SCARA5: variants seen among roughly 807,000 people sequenced by gnomAD.
SCARA5 encodes scavenger receptor class A, member 5 (putative).
Under a neutral mutation model 46.3 loss-of-function variants are expected in SCARA5, and 45 were observed. The observed-to-expected ratio is 0.97, with a 90% CI of 0.76 to 1.24. The LOEUF is 1.24. Among genes scored for constraint, SCARA5 ranks in the 50% most tolerant of loss-of-function variants. SCARA5 has a pLI of 0.00. For synonymous variants in SCARA5, 333 were observed against 306.5 expected (o/e 1.09, Z -0.90); for missense variants, 680 against 689.0 (o/e 0.99, Z 0.15).
rs568993006 is a variant in SCARA5 at position 27,936,711 on chromosome 8, C to T, written c.242-14466G>A. On this transcript the variant is annotated intron_variant, in intron 3 of 8. Transcript: ENST00000354914. Reference sequence around the variant, plus strand: ...TCTCTGGCACACTGGTGAGCACTAACTGAATCCGCGGAAGCATGGAACACA... The same window carrying T: ...TCTCTGGCACACTGGTGAGCACTAATTGAATCCGCGGAAGCATGGAACACA... Among the ~76,000 whole-genome samples the T allele has an allele frequency of 4.6e-5, 7 of 151,064 alleles. No individual in the cohort carries two copies. The South Asian group carries it at 1.3e-3, about 28-fold the overall frequency.
At chr8:27,941,510 C>A (rs574725487) in intron 3 of SCARA5, among the ~76,000 whole-genome samples, 9 of 152,138 alleles carry the variant, frequency 5.9e-5, no homozygotes, top group Admixed American at 5.2e-4. Flanking sequence ...CAGCACTGTG[C>A]TTTGTGTTAT....
intron 6 of SCARA5, among the ~76,000 whole-genome samples, chr8:27,906,289 G>A (rs968290423): frequency 7.2e-5 from 11 of 152,204 alleles, no homozygotes; most frequent in African/African-American, 2.2e-4. Flanking sequence ...GTGATGCTAC[G>A]AGGCTTAGAC....
At chr8:27,890,478 A>T (rs893414086) in intron 7 of SCARA5, among the ~76,000 whole-genome samples, 6 of 152,252 alleles carry the variant, frequency 3.9e-5, no homozygotes, top group Non-Finnish European at 8.8e-5. Context: ...TTAACACTTA[A>T]CATGACACGT....
chr8:27,963,180 C>T (rs987609039), intron 3 of SCARA5, among the ~76,000 whole-genome samples: 2 of 152,164 alleles, frequency 1.3e-5, no homozygotes, highest in African/African-American at 4.8e-5. Context: ...ACCCAGTCAC[C>T]ACAGTGACTG....
At chr8:27,917,882 A>G (rs1470552577) in intron 4 of SCARA5, among the ~76,000 whole-genome samples, 1 of 152,262 alleles carries the variant, frequency 6.6e-6, no homozygotes, top group Non-Finnish European at 1.5e-5. Flanking sequence ...GTTTGGAAGA[A>G]GAAATTCTAC....
chr8:27,956,696 A>G (rs940668432), intron 3 of SCARA5, among the ~76,000 whole-genome samples: 2 of 152,138 alleles, frequency 1.3e-5, no homozygotes, highest in African/African-American at 4.8e-5. Flanking sequence ...AGCATATTTT[A>G]TGCATATCTG....
chr8:27,879,604 A>G lies in SCARA5; in HGVS notation c.1316T>C (p.Val439Ala), dbSNP rs768248064. The G allele has an allele frequency of 6.2e-7, 1 of 1,610,508 alleles. No homozygotes were observed. Residue 439 changes from valine to alanine, a missense_variant, in exon 8 of 9, where the codon GTG (valine) becomes GCG (alanine). Physicochemically the swap from Val to Ala is moderately conservative, Grantham distance 64. Around this residue, in one of 3 missense-constraint regions of SCARA5, gnomAD observed 219 missense variants for 269.5 expected, o/e 0.81. Coordinates refer to ENST00000354914, the MANE Select transcript of SCARA5 (RefSeq NM_173833.6). ...TCGAGCTGTGCGGTACACCTCCTCC[A>G]CACCGCGGAAGCCGAGCATGCGGCA... ...VVCRMLGFRG[V>A]EEVYRTARFG... is the part of the protein sequence containing the mutation.
chr8:27,910,585 G>T (rs192901939), intron 4 of SCARA5, among the ~76,000 whole-genome samples: 29 of 152,332 alleles, frequency 1.9e-4, no homozygotes, highest in Non-Finnish European at 8.8e-5. Context: ...GACGGCTCAG[G>T]CTGCAGTGTG....
rs186624569 is a variant in SCARA5, at chr8:27,919,993, G to A, written c.916+1578C>T. 4.0e-5 allele frequency among the ~76,000 whole-genome samples: 6 copies of A among 151,474 alleles called. No homozygotes were observed. The East Asian group carries it at 1.2e-3, about 29-fold the overall frequency. ...AGCCACAGTGGGCTTTGAGCAGGGG[G>A]ATGACGTGGGAGAAGTGCATTTCAT... On this transcript the variant is annotated intron_variant, in intron 4 of 8. Coordinates refer to ENST00000354914, the MANE Select transcript of SCARA5 (RefSeq NM_173833.6).
chr8:27,987,822 C>T, intron 1 of SCARA5, among the ~76,000 whole-genome samples, 192 bp from the exon 2 acceptor site: 1 of 152,322 alleles, frequency 6.6e-6, no homozygotes, highest in African/African-American at 2.4e-5. Flanking sequence ...GGCCGTGATG[C>T]CCCCACTCCC....
At chr8:27,884,632 T>A (rs1420377710) in intron 7 of SCARA5, among the ~76,000 whole-genome samples, 2 of 152,208 alleles carry the variant, frequency 1.3e-5, no homozygotes, top group Non-Finnish European at 2.9e-5. Context: ...TGACTGGGTG[T>A]GACTAGGCAG....
chr8:27,959,032 A>G (rs1808250565), intron 3 of SCARA5, among the ~76,000 whole-genome samples: 1 of 152,196 alleles, frequency 6.6e-6, no homozygotes, highest in Non-Finnish European at 1.5e-5. Flanking sequence ...CAGGAGTTTA[A>G]GACCAGCCTG....
chr8:27,985,695 C>T (rs1054557800), intron 2 of SCARA5, among the ~76,000 whole-genome samples: 10 of 152,118 alleles, frequency 6.6e-5, no homozygotes, highest in African/African-American at 2.2e-4. Flanking sequence ...ACACTGAGGC[C>T]CACAGAGGCC....
chr8:27,931,677 T>C (rs1199013051), intron 3 of SCARA5, among the ~76,000 whole-genome samples: 2 of 152,154 alleles, frequency 1.3e-5, no homozygotes, highest in Non-Finnish European at 2.9e-5. Flanking sequence ...TTTATTTATT[T>C]ATTTTACACA....
At chr8:27,991,957 G>C (rs771766334) in intron 1 of SCARA5, among the ~76,000 whole-genome samples, 20 of 152,172 alleles carry the variant, frequency 1.3e-4, no homozygotes, top group Non-Finnish European at 2.5e-4. Context: ...TCTGCACCCT[G>C]AGTAGGCTCT....
intron 3 of SCARA5, among the ~76,000 whole-genome samples, chr8:27,932,124 C>T (rs1019294583): frequency 5.9e-5 from 9 of 152,048 alleles, no homozygotes; most frequent in South Asian, 2.1e-4. Context: ...GGACTACAGG[C>T]GTGCACCACC....
rs950840686 is a variant in SCARA5, at chr8:27,870,795, G to A, written c.*1139C>T. 1 of 152,134 alleles carries A rather than the reference G, an allele frequency of 6.6e-6. No homozygotes were observed. Among genetic ancestry groups the A allele is most frequent in the Non-Finnish European group, 1.5e-5 (1 of 68,048 alleles). The allele number at this position is 152,134 out of a possible 1,614,324, so 9.4% of individuals were successfully genotyped here. ...AATCTTCATTTCCTTCCCCCCTAAG[G>A]GTTCCATTAGGACTTGTGTTTTCCT... On this transcript the variant is annotated 3_prime_UTR_variant, in exon 9 of 9. Coordinates refer to ENST00000354914, the MANE Select transcript of SCARA5 (RefSeq NM_173833.6).
At chr8:27,902,512 T>C (rs548485591) in intron 7 of SCARA5, among the ~76,000 whole-genome samples, 13 of 152,308 alleles carry the variant, frequency 8.5e-5, no homozygotes, top group Non-Finnish European at 1.6e-4. Context: ...CCTCCTCACT[T>C]GCTCTCTCAA....
chr8:27,928,882 T>C (rs1807724104), intron 3 of SCARA5, among the ~76,000 whole-genome samples: 2 of 152,054 alleles, frequency 1.3e-5, no homozygotes, highest in Non-Finnish European at 2.9e-5. Context: ...GCCAGGCTGT[T>C]CTCAAACTCC....
Sources: gnomAD v4.1 joint callset for allele counts (sites outside exome capture counted in the v4.1 genomes callset) on GRCh38, gnomAD v4.1.1 for gene constraint, gnomAD v4.1.1 regional missense constraint, MANE v1.5 for transcripts, NCBI Gene and HGNC (gene_info 2026-07-23, HGNC 2026-07-21) for gene names.